Variants in PCDHGA4 observed in about 807,000 individuals in gnomAD.
PCDHGA4 encodes protocadherin gamma-A4.
Under a neutral mutation model 54.6 loss-of-function variants are expected in PCDHGA4, and 38 were observed. That is an observed-to-expected ratio of 0.70 (90% CI 0.54 to 0.91). The LOEUF (loss-of-function observed/expected upper bound fraction) is 0.91. Ranked by LOEUF, PCDHGA4 falls within the 40% of genes least tolerant of loss-of-function variation. The pLI is 0.00. For missense variants in PCDHGA4, 1,298 were observed against 1,220.9 expected (o/e 1.06, Z -0.94); for synonymous variants, 511 against 512.9 (o/e 1.00, Z 0.05).
chr5:141,451,314 G>A (rs1286009420), intron 1 of PCDHGA4, among the ~76,000 whole-genome samples: 1 of 152,218 alleles, frequency 6.6e-6, no homozygotes, highest in Non-Finnish European at 1.5e-5. Context: ...AGCAATTAAA[G>A]TGTCACCTAA....
At chr5:141,361,284 C>T in intron 1 of PCDHGA4, 1 of 1,614,018 alleles carries the variant, frequency 6.2e-7, no homozygotes, top group Non-Finnish European at 8.5e-7. Flanking sequence ...GAGAAGTTTA[C>T]TGCCAAGTGT....
At chr5:141,372,218 T>C in intron 1 of PCDHGA4, 1 of 1,613,544 alleles carries the variant, frequency 6.2e-7, no homozygotes, top group Non-Finnish European at 8.5e-7. Flanking sequence ...CCTACCACAT[T>C]GTGCAGGCCA....
At position 141,409,172 on chromosome 5, in the gene PCDHGA4, G is replaced by T. The variant is rs574905228; in HGVS notation, c.2514+51551G>T. ...CACCATGGAAGTGGAAGCGAAGGAC[G>T]GAGGTGGTCTCTCTACCCAGTGTAA... On this transcript the variant is annotated intron_variant, in intron 1 of 3. Coordinates refer to ENST00000571252, the MANE Select transcript of PCDHGA4 (RefSeq NM_018917.4). The T allele has an allele frequency of 1.4e-5, 22 of 1,614,006 alleles. No homozygotes were observed. In the South Asian group the frequency reaches 2.4e-4, roughly 18 times the overall value.
chr5:141,488,837 C>A (rs550655328), intron 1 of PCDHGA4, among the ~76,000 whole-genome samples: 1 of 152,280 alleles, frequency 6.6e-6, no homozygotes, highest in African/African-American at 2.4e-5. Context: ...GCCAAGGGGG[C>A]TGAATCAACC....
At chr5:141,361,046 A>C (rs779477758) in intron 1 of PCDHGA4, 3 of 1,613,710 alleles carry the variant, frequency 1.9e-6, no homozygotes, top group Non-Finnish European at 2.5e-6. Flanking sequence ...ATCACGACAA[A>C]GGATGATTTG....
intron 1 of PCDHGA4, chr5:141,364,231 C>G: frequency 7.2e-7 from 1 of 1,392,330 alleles, no homozygotes; most frequent in Non-Finnish European, 9.6e-7. Flanking sequence ...CAACGCTCCA[C>G]GCCCATTTTC....
At chr5:141,462,360 A>G (rs1400686908) in intron 1 of PCDHGA4, among the ~76,000 whole-genome samples, 1 of 152,238 alleles carries the variant, frequency 6.6e-6, no homozygotes, top group Non-Finnish European at 1.5e-5. Flanking sequence ...TATACATTGT[A>G]TAGTTTCTAT....
chr5:141,384,402 GTCC>G lies in PCDHGA4; in HGVS notation c.2514+26786_2514+26788del, dbSNP rs781624552. ...AAGACACCATCCAGGGGGCTCCAGTGTCCTCCTATGTCTCCATAAACTCTGACA... is the reference window on the plus strand; with the variant it reads ...AAGACACCATCCAGGGGGCTCCAGTGTCCTATGTCTCCATAAACTCTGACA... On this transcript the variant is annotated intron_variant, in intron 1 of 3. Coordinates refer to ENST00000571252, the MANE Select transcript of PCDHGA4 (RefSeq NM_018917.4). The G allele has an allele frequency of 1.8e-5, 29 of 1,613,830 alleles. No homozygotes were observed. The African/African-American group carries it at 2.4e-4, about 13-fold the overall frequency.
intron 1 of PCDHGA4, 108 bp from the exon 2 acceptor site, chr5:141,494,699 T>G: frequency 6.3e-7 from 1 of 1,592,240 alleles, no homozygotes; most frequent in East Asian, 2.3e-5. Context: ...GTCCGTTTTC[T>G]TCTCTGTGCC....
rs2233610 is a variant in PCDHGA4, at chr5:141,505,535, G to A, written c.2662+54G>A. ...AGTGGGAGACCTGGGGTTCTGGGGT[G>A]CATCTCACAGCCACCATGCCCACGG... is the stretch of plus-strand genomic sequence containing the variant. On this transcript the variant is annotated intron_variant, in intron 3 of 3. Transcript: ENST00000571252. 12 of 1,610,344 alleles carry A rather than the reference G, an allele frequency of 7.5e-6. No individual in the cohort carries two copies. The East Asian group carries it at 1.8e-4, about 24-fold the overall frequency.
intron 1 of PCDHGA4, among the ~76,000 whole-genome samples, chr5:141,479,050 C>T (rs1484021560): frequency 6.6e-6 from 1 of 152,164 alleles, no homozygotes; most frequent in African/African-American, 2.4e-5. Context: ...ACCTCATTCT[C>T]AGATAATTTT....
chr5:141,394,312 C>G (rs903124736), intron 1 of PCDHGA4: 3 of 1,613,908 alleles, frequency 1.9e-6, no homozygotes, highest in African/African-American at 1.3e-5. Context: ...CAGGGGGCGC[C>G]CCTGTCCTCG....
chr5:141,478,847 AAC>A (rs2099480409), intron 1 of PCDHGA4: 1 of 1,389,782 alleles, frequency 7.2e-7, no homozygotes, highest in South Asian at 1.5e-5. Context: ...GTTAAGCTAA[AAC>A]ACAAGATCTC....
chr5:141,476,831 G>C lies in PCDHGA4; in HGVS notation c.2515-17976G>C, dbSNP rs779348525. ...TCACATCAAGGTGCTGGACGCGAAT[G>C]ACAATGCGCCTGTCTTCAACCAGTC... On this transcript the variant is annotated intron_variant, in intron 1 of 3. Transcript: ENST00000571252. This position sits in a 1 kb window ranked among gnomAD's most constrained non-coding sequence, Gnocchi z 7.6. 1 of 1,613,504 alleles carries C rather than the reference G, an allele frequency of 6.2e-7. No homozygotes were observed. Among genetic ancestry groups the C allele is most frequent in the Non-Finnish European group, 8.5e-7 (1 of 1,180,050 alleles).
intron 1 of PCDHGA4, among the ~76,000 whole-genome samples, chr5:141,407,274 A>G (rs763803896): frequency 2.0e-5 from 3 of 152,232 alleles, no homozygotes; most frequent in Non-Finnish European, 2.9e-5. Context: ...GCAACAAGAA[A>G]ATTGTTACAA....
chr5:141,416,096 T>C (rs2095991930), intron 1 of PCDHGA4: 1 of 161,152 alleles, frequency 6.2e-6, no homozygotes, highest in South Asian at 2.0e-4. Flanking sequence ...AGAAGGGCAA[T>C]AGGCCTTTTT....
chr5:141,366,556 C>A (rs1764642074), intron 1 of PCDHGA4: 1 of 1,614,234 alleles, frequency 6.2e-7, no homozygotes, highest in Non-Finnish European at 8.5e-7. Flanking sequence ...ACTTTGTGGG[C>A]GTGGATGGGG....
At chr5:141,395,340 G>A in intron 1 of PCDHGA4, 2 of 1,419,480 alleles carry the variant, frequency 1.4e-6, no homozygotes, top group Non-Finnish European at 1.9e-6. Context: ...TAATTTTTAA[G>A]GTGTATCACA....
rs747179611 is a variant in PCDHGA4 at position 141,476,473 on chromosome 5, C to T, written c.2515-18334C>T. ...TAGTGGAGAACCCGCTGGAGCTGTT[C>T]AGCGTGGAAGTGGTGATCCAGGACA... On this transcript the variant is annotated intron_variant, in intron 1 of 3. Coordinates refer to ENST00000571252, the MANE Select transcript of PCDHGA4 (RefSeq NM_018917.4). The surrounding 1 kb of genome is among the most constrained non-coding windows in gnomAD (Gnocchi z 7.6). 3.1e-6 allele frequency: 5 copies of T among 1,613,888 alleles called. No homozygotes were observed. The highest frequency in any genetic ancestry group is 3.3e-5 in the Admixed American group (2 of 59,984).
Sources: gnomAD v4.1 joint callset for allele counts (sites outside exome capture counted in the v4.1 genomes callset) on GRCh38, gnomAD v4.1.1 for gene constraint, Gnocchi (gnomAD v3.1) non-coding constraint, MANE v1.5 for transcripts, NCBI Gene and HGNC (gene_info 2026-07-23, HGNC 2026-07-21) for gene names.